Variants in AKAP7 observed in about 807,000 individuals in gnomAD.
AKAP7 encodes A kinase (PRKA) anchor protein 7.
In AKAP7, 39 loss-of-function variants were observed where a neutral mutation model predicts 39.5. The observed-to-expected ratio is 0.99, with a 90% confidence interval of 0.76 to 1.29. AKAP7 has a LOEUF of 1.29. Ranked by LOEUF, AKAP7 falls within the 50% of genes most tolerant of loss-of-function variation. AKAP7 has a pLI of 0.00. For synonymous variants in AKAP7, 140 were observed against 139.1 expected (o/e 1.01, Z -0.05); for missense variants, 414 against 407.7 (o/e 1.02, Z -0.13).
intron 6 of AKAP7, among the ~76,000 whole-genome samples, chr6:131,205,415 T>C (rs918438046): frequency 2.6e-5 from 4 of 152,098 alleles, no homozygotes; most frequent in African/African-American, 9.7e-5. Context: ...TTCCCAGTGG[T>C]GTTCAGTATT....
intron 1 of AKAP7, 63 bp downstream of exon 1, chr6:131,135,845 G>T (rs910608759): frequency 9.0e-6 from 11 of 1,223,754 alleles, no homozygotes; most frequent in Admixed American, 8.5e-5. Context: ...GCCTGGGCCT[G>T]CTCTGCGCTC....
intron 6 of AKAP7, chr6:131,199,977 C>CT (rs1285624857): frequency 3.6e-5 from 7 of 194,822 alleles, no homozygotes; most frequent in African/African-American, 2.4e-5. Context: ...ACTGGGTAAG[C>CT]TTTTTTTACC....
chr6:131,218,961 C>G (rs1294980132), intron 6 of AKAP7, among the ~76,000 whole-genome samples: 1 of 151,840 alleles, frequency 6.6e-6, no homozygotes, highest in Non-Finnish European at 1.5e-5. Flanking sequence ...TTTTTTCTAC[C>G]TTACTTTAAA....
At chr6:131,192,864 G>T (rs1369653527) in intron 5 of AKAP7, among the ~76,000 whole-genome samples, 1 of 151,918 alleles carries the variant, frequency 6.6e-6, no homozygotes, top group Non-Finnish European at 1.5e-5. Flanking sequence ...ATTACTTTTT[G>T]GATTTCTTTT....
At chr6:131,146,806 T>A (rs1801523648) in intron 2 of AKAP7, among the ~76,000 whole-genome samples, 1 of 152,202 alleles carries the variant, frequency 6.6e-6, no homozygotes, top group Non-Finnish European at 1.5e-5. Context: ...AAAGAACTAG[T>A]TGTAGAATCT....
upstream of AKAP7, among the ~76,000 whole-genome samples, chr6:131,130,563 T>C (rs541308148): frequency 2.1e-4 from 32 of 152,350 alleles, no homozygotes; most frequent in African/African-American, 7.0e-4. Flanking sequence ...TCCAAAGTGC[T>C]GGGATTACAA....
intron 6 of AKAP7, among the ~76,000 whole-genome samples, chr6:131,210,224 C>T (rs531358360): frequency 1.5e-4 from 23 of 152,330 alleles, no homozygotes; most frequent in Admixed American, 3.9e-4. Context: ...ATCTTACTCT[C>T]TCAAGGAAAG....
At chr6:131,184,423 A>G in intron 5 of AKAP7, 8 of 657,922 alleles carry the variant, frequency 1.2e-5, no homozygotes, top group South Asian at 1.1e-4. Flanking sequence ...TCAGATATGG[A>G]CGGAGTGAGA....
Position 131,182,036 on chromosome 6 carries a change from G to C in AKAP7, c.589+12763G>C, listed in dbSNP as rs947525718. 2.0e-5 allele frequency among the ~76,000 whole-genome samples: 3 copies of C among 151,950 alleles called. No individual in the cohort carries two copies. The South Asian group carries it at 6.2e-4, about 32-fold the overall frequency. On this transcript the variant is annotated intron_variant, in intron 5 of 7. Coordinates refer to ENST00000431975, the MANE Select transcript of AKAP7 (RefSeq NM_016377.4). Reference sequence around the variant, plus strand: ...ACCTGCTCAGGAGGCTGAGGCAGGGGAATCGCATGAACCCAAGAGGCAGCG... The same window carrying C: ...ACCTGCTCAGGAGGCTGAGGCAGGGCAATCGCATGAACCCAAGAGGCAGCG...
intron 7 of AKAP7, among the ~76,000 whole-genome samples, chr6:131,228,829 A>G (rs1405117233): frequency 1.3e-5 from 2 of 152,216 alleles, no homozygotes; most frequent in African/African-American, 4.8e-5. Context: ...AATGGTGAAT[A>G]AAACTGTGTA....
At chr6:131,166,228 T>G (rs1803476437) in intron 4 of AKAP7, among the ~76,000 whole-genome samples, 1 of 152,114 alleles carries the variant, frequency 6.6e-6, no homozygotes, top group African/African-American at 2.4e-5. Context: ...AGGGGAGATT[T>G]TACTTGCCTG....
chr6:131,145,276 A>G lies in AKAP7; in HGVS notation c.20-9A>G. The G allele has an allele frequency of 7.0e-7, 1 of 1,432,668 alleles. No homozygotes were observed. The highest frequency in any genetic ancestry group is 9.3e-7 in the Non-Finnish European group (1 of 1,073,896). The allele number at this position is 1,432,668 out of a possible 1,614,324, so 88.7% of individuals were successfully genotyped here. ...TAATCCTTTTTTTTCTGTTTGTGAT[A>G]TGTTAAAGGAGGAATTAATTCCAAT... On this transcript the variant is annotated splice_polypyrimidine_tract_variant and intron_variant, in intron 1 of 7. Transcript: ENST00000431975.
chr6:131,243,524 T>C (rs768144334), intron 7 of AKAP7, among the ~76,000 whole-genome samples: 1 of 152,188 alleles, frequency 6.6e-6, no homozygotes, highest in Non-Finnish European at 1.5e-5. Context: ...AAATTTTCTT[T>C]TAATTGAGGA....
At chr6:131,130,828 A>T (rs1382568084), upstream of AKAP7, among the ~76,000 whole-genome samples, 1 of 152,210 alleles carries the variant, frequency 6.6e-6, no homozygotes, top group Non-Finnish European at 1.5e-5. Context: ...TTTTGGAGGA[A>T]TTTCACAAAG....
At chr6:131,180,846 TTTA>T (rs1251855476) in intron 5 of AKAP7, among the ~76,000 whole-genome samples, 8 of 147,676 alleles carry the variant, frequency 5.4e-5, no homozygotes, top group South Asian at 2.1e-4. Flanking sequence ...TTTTTTTTTT[TTTA>T]ATACTTCTCT....
intron 7 of AKAP7, among the ~76,000 whole-genome samples, chr6:131,259,936 C>T (rs1018778542): frequency 3.5e-5 from 5 of 144,550 alleles, no homozygotes; most frequent in Admixed American, 1.4e-4. Flanking sequence ...GCTATTTATC[C>T]GGATACTCTC....
intron 1 of AKAP7, 67 bp from the exon 2 acceptor site, chr6:131,145,218 A>C: frequency 9.0e-7 from 1 of 1,116,100 alleles, no homozygotes; most frequent in Non-Finnish European, 1.2e-6. Context: ...AGTTATTTTC[A>C]TTTAGGATAT....
intron 7 of AKAP7, among the ~76,000 whole-genome samples, chr6:131,262,999 G>A (rs1203745316): frequency 6.6e-6 from 1 of 152,214 alleles, no homozygotes; most frequent in African/African-American, 2.4e-5. Context: ...ACGTCAGGGG[G>A]CCAAAGCAGT....
At chr6:131,182,330 C>A (rs1203015805) in intron 5 of AKAP7, among the ~76,000 whole-genome samples, 1 of 152,054 alleles carries the variant, frequency 6.6e-6, no homozygotes, top group Non-Finnish European at 1.5e-5. Context: ...TGGCTTCTGG[C>A]GACCACCATT....
Sources: allele counts gnomAD v4.1 joint callset (sites outside exome capture counted in the v4.1 genomes callset), GRCh38; gene constraint gnomAD v4.1.1; transcripts MANE v1.5; gene names NCBI Gene and HGNC (gene_info 2026-07-23, HGNC 2026-07-21).